The following SLC35D4 variants were observed in gnomAD, a reference collection of about 807,000 sequenced individuals.
The protein encoded by SLC35D4 is UDP-N-acetylglucosamine transporter SLC35D4.
At chr18:23,304,389 T>A in the SLC35D4 span, among the ~76,000 whole-genome samples, 1 of 147,570 alleles carries the variant, frequency 6.8e-6, no homozygotes, top group Non-Finnish European at 1.5e-5. Context: ...ATATAACATA[T>A]CATTATATAT....
the SLC35D4 span, among the ~76,000 whole-genome samples, chr18:23,280,352 A>G: frequency 1.3e-5 from 2 of 152,230 alleles, no homozygotes. Flanking sequence ...GTGGCTGGGT[A>G]CTGAGGCTGA....
chr18:23,251,398 C>A, the SLC35D4 span, among the ~76,000 whole-genome samples: 1 of 152,112 alleles, frequency 6.6e-6, no homozygotes, highest in Non-Finnish European at 1.5e-5. Flanking sequence ...TTGCAGTGAG[C>A]CGAGATTGCG....
the SLC35D4 span, among the ~76,000 whole-genome samples, chr18:23,390,798 A>G: frequency 6.6e-6 from 1 of 152,186 alleles, no homozygotes; most frequent in African/African-American, 2.4e-5. Flanking sequence ...CTACCTTTCT[A>G]TTTGGGTGAT....
At chr18:23,241,479 C>T in the SLC35D4 span, among the ~76,000 whole-genome samples, 2 of 150,748 alleles carry the variant, frequency 1.3e-5, no homozygotes, top group East Asian at 1.9e-4. Context: ...TGCAGTGAGC[C>T]GAGATCACAC....
chr18:23,330,640 G>C, the SLC35D4 span, among the ~76,000 whole-genome samples: 1 of 152,162 alleles, frequency 6.6e-6, no homozygotes, highest in Non-Finnish European at 1.5e-5. Flanking sequence ...TGGGCTGCAG[G>C]TGTCCCTAAG....
the SLC35D4 span, chr18:23,252,917 C>A: frequency 7.6e-7 from 1 of 1,324,094 alleles, no homozygotes; most frequent in Non-Finnish European, 1.1e-6. Flanking sequence ...TTACATACGA[C>A]CCTTGTTTTA....
chr18:23,394,993 A>AG, the SLC35D4 span, among the ~76,000 whole-genome samples: 5 of 151,794 alleles, frequency 3.3e-5, no homozygotes, highest in South Asian at 4.2e-4. Flanking sequence ...CAAAAAAAAA[A>AG]AAAAAAAAAA....
the SLC35D4 span, among the ~76,000 whole-genome samples, chr18:23,358,175 T>G: frequency 6.6e-6 from 1 of 152,218 alleles, no homozygotes; most frequent in African/African-American, 2.4e-5. Context: ...TGTGTGCTCT[T>G]GGCCCTTTCC....
the SLC35D4 span, among the ~76,000 whole-genome samples, chr18:23,400,438 A>T: frequency 6.6e-6 from 1 of 152,118 alleles, no homozygotes. Context: ...AGCTTGGCCA[A>T]CATGGTGAAA....
chr18:23,246,593 G>T, the SLC35D4 span, among the ~76,000 whole-genome samples: 1 of 150,950 alleles, frequency 6.6e-6, no homozygotes, highest in Non-Finnish European at 1.5e-5. Context: ...GGGTTTCACC[G>T]TGTTAGCCAG....
the SLC35D4 span, among the ~76,000 whole-genome samples, chr18:23,313,543 C>T: frequency 6.6e-6 from 1 of 152,162 alleles, no homozygotes; most frequent in Admixed American, 6.5e-5. Flanking sequence ...AGTAATTCTA[C>T]TAAAAACACA....
At chr18:23,303,141 C>T in the SLC35D4 span, among the ~76,000 whole-genome samples, 991 of 152,324 alleles carry the variant, frequency 6.5e-3, 10 homozygotes, top group African/African-American at 0.023. Context: ...CCCAGCCACG[C>T]TTGAACACGC....
the SLC35D4 span, among the ~76,000 whole-genome samples, chr18:23,307,504 C>T: frequency 8.2e-3 from 1,242 of 152,308 alleles, 14 homozygotes; most frequent in African/African-American, 0.029. Flanking sequence ...GAAACCCACC[C>T]GATCGCTTCA....
At chr18:23,361,774 G>A in the SLC35D4 span, among the ~76,000 whole-genome samples, 1 of 152,158 alleles carries the variant, frequency 6.6e-6, no homozygotes, top group Non-Finnish European at 1.5e-5. Context: ...ATAACTTGAA[G>A]GAAAATTAAT....
chr18:23,282,121 C>T, the SLC35D4 span, among the ~76,000 whole-genome samples: 1 of 152,224 alleles, frequency 6.6e-6, no homozygotes, highest in African/African-American at 2.4e-5. Flanking sequence ...AGGGCCTCCG[C>T]GGCTCCCCGA....
At chr18:23,248,538 T>TTTTA in the SLC35D4 span, among the ~76,000 whole-genome samples, 17 of 93,612 alleles carry the variant, frequency 1.8e-4, no homozygotes, top group African/African-American at 5.9e-4. Context: ...TTTTTTTTTT[T>TTTTA]AAAAAAAGGC....
chr18:23,387,067 G>A, the SLC35D4 span, among the ~76,000 whole-genome samples: 4 of 152,100 alleles, frequency 2.6e-5, no homozygotes, highest in South Asian at 2.1e-4. Flanking sequence ...CTGCAACCAC[G>A]CCCGGTTAAT....
At chr18:23,371,364 G>A in the SLC35D4 span, 1 of 1,388,216 alleles carries the variant, frequency 7.2e-7, no homozygotes, top group Non-Finnish European at 9.6e-7. Context: ...CAAAGTGCTG[G>A]GATTCCAGGT....
At chr18:23,264,938 C>G in the SLC35D4 span, among the ~76,000 whole-genome samples, 1 of 152,186 alleles carries the variant, frequency 6.6e-6, no homozygotes, top group South Asian at 2.1e-4. Flanking sequence ...AGCCACCGTG[C>G]CCGGCCTACA....
Sources: allele counts gnomAD v4.1 joint callset (sites outside exome capture counted in the v4.1 genomes callset), GRCh38; gene constraint gnomAD v4.1.1; transcripts MANE v1.5; gene names NCBI Gene and HGNC (gene_info 2026-07-23, HGNC 2026-07-21).